Variants in SNX29 observed in about 807,000 individuals in gnomAD.
The protein encoded by SNX29 is sorting nexin-29.
In SNX29, 78 loss-of-function variants were observed where a neutral mutation model predicts 102.1. The observed-to-expected ratio is 0.76, with a 90% CI of 0.64 to 0.92. The LOEUF (loss-of-function observed/expected upper bound fraction) is 0.92, where lower values mean the gene tolerates loss of function less well. Ranked by LOEUF, SNX29 falls within the 40% of genes least tolerant of loss-of-function variation. SNX29 has a pLI of 0.00. For missense variants in SNX29, 1,280 were observed against 1,061.7 expected, an observed-to-expected ratio of 1.21 and a Z score of -2.86; for synonymous variants, 580 against 414.5, an observed-to-expected ratio of 1.40 and a Z score of -4.85.
intron 18 of SNX29, among the ~76,000 whole-genome samples, chr16:12,465,945 A>G (rs937528473): frequency 6.6e-6 from 1 of 152,114 alleles, no homozygotes; most frequent in Non-Finnish European, 1.5e-5. Flanking sequence ...ACAAAATTCA[A>G]CATCCTTTCA....
At chr16:12,561,247 C>CT (rs2078707754) in intron 20 of SNX29, 1 of 230,204 alleles carries the variant, frequency 4.3e-6, no homozygotes, top group South Asian at 1.8e-4. Flanking sequence ...AGGCCACTCC[C>CT]TCCCACTCCA....
intron 15 of SNX29, among the ~76,000 whole-genome samples, chr16:12,283,649 T>A (rs1452859324): frequency 6.6e-6 from 1 of 152,212 alleles, no homozygotes; most frequent in Non-Finnish European, 1.5e-5. Flanking sequence ...GTGTTTCATC[T>A]GTGAGTTGCA....
chr16:12,379,538 C>T lies in SNX29; in HGVS notation c.1900-18908C>T, dbSNP rs1208938573. 5.3e-5 allele frequency among the ~76,000 whole-genome samples: 8 copies of T among 152,344 alleles called. No homozygotes were observed. In the East Asian group the frequency reaches 1.5e-3, roughly 29 times the overall value. On this transcript the variant is annotated intron_variant, in intron 16 of 20. Coordinates refer to ENST00000566228, the MANE Select transcript of SNX29 (RefSeq NM_032167.5). ...TGGGTCCAGGACTGTGCCCTTTAGC[C>T]ACTTTGACTCAGTTCCAAAAACATC...
intron 8 of SNX29, 153 bp from the exon 9 acceptor site, chr16:12,061,375 C>G: frequency 1.6e-6 from 1 of 627,642 alleles, no homozygotes; most frequent in Non-Finnish European, 2.8e-6. Context: ...TGGATCTGGA[C>G]TCCACGCTCT....
In SNX29 at chr16:12,111,768, G is replaced by C. The variant is rs1463272644; in HGVS notation, c.1403-14865G>C. Among the ~76,000 whole-genome samples, 5 of 152,208 alleles carry C rather than the reference G, an allele frequency of 3.3e-5. No individual in the cohort carries two copies. In the East Asian group the frequency reaches 9.6e-4, roughly 29 times the overall value. On this transcript the variant is annotated intron_variant, in intron 11 of 20. Coordinates refer to ENST00000566228, the MANE Select transcript of SNX29 (RefSeq NM_032167.5). Reference sequence around the variant, plus strand: ...ATGGTTTAGGAAAGCCTGAGTGAGAGCGAGAGATCTTCAGGAGGCTGCTGG... The same window carrying C: ...ATGGTTTAGGAAAGCCTGAGTGAGACCGAGAGATCTTCAGGAGGCTGCTGG...
At chr16:12,353,319 C>T (rs1273017842) in intron 15 of SNX29, among the ~76,000 whole-genome samples, 1 of 152,184 alleles carries the variant, frequency 6.6e-6, no homozygotes, top group Non-Finnish European at 1.5e-5. Flanking sequence ...ACTTGTCTGC[C>T]ACTTCCTCCA....
chr16:12,320,339 G>C (rs557937973), intron 15 of SNX29, among the ~76,000 whole-genome samples: 2 of 152,108 alleles, frequency 1.3e-5, no homozygotes, highest in African/African-American at 4.8e-5. Context: ...GAGAGTCACC[G>C]AGAGCCAGAA....
At chr16:12,567,226 C>T (rs942605037) in intron 20 of SNX29, among the ~76,000 whole-genome samples, 1 of 152,092 alleles carries the variant, frequency 6.6e-6, no homozygotes, top group African/African-American at 2.4e-5. Context: ...ACAGATAAGG[C>T]AGAGCTAGCT....
chr16:12,023,219 T>G (rs2057081942), intron 3 of SNX29, among the ~76,000 whole-genome samples: 1 of 151,900 alleles, frequency 6.6e-6, no homozygotes, highest in African/African-American at 2.4e-5. Context: ...TTTAAAAAAT[T>G]AAAATATTCA....
intron 15 of SNX29, among the ~76,000 whole-genome samples, chr16:12,318,009 C>T (rs2080807905): frequency 6.6e-6 from 1 of 152,240 alleles, no homozygotes; most frequent in African/African-American, 2.4e-5. Context: ...CGGTGGTTGT[C>T]ATCACGCCAC....
chr16:12,518,546 A>T (rs1046970692), intron 19 of SNX29, among the ~76,000 whole-genome samples: 2 of 152,144 alleles, frequency 1.3e-5, no homozygotes, highest in Non-Finnish European at 2.9e-5. Flanking sequence ...CCTTGCAGTG[A>T]CACGCTCTCT....
chr16:12,050,739 T>A (rs1418017855), intron 7 of SNX29, among the ~76,000 whole-genome samples: 3 of 151,372 alleles, frequency 2.0e-5, no homozygotes, highest in African/African-American at 7.3e-5. Flanking sequence ...GGAGAAAGAG[T>A]CTCGCTCTGT....
chr16:12,572,867 T>C lies in SNX29; in HGVS notation c.*4238T>C. ...GCCCAGGTTTCAGCCCTAAAGGTAA[T>C]GATTGTCTTGACTCTGCCTTGGCAT... On this transcript the variant is annotated 3_prime_UTR_variant, in exon 21 of 21. Coordinates refer to ENST00000566228, the MANE Select transcript of SNX29 (RefSeq NM_032167.5). The C allele has an allele frequency of 9.4e-7, 1 of 1,062,770 alleles. No individual in the cohort carries two copies. Among genetic ancestry groups the C allele is most frequent in the South Asian group, 4.6e-5 (1 of 21,960 alleles). 65.8% of individuals were successfully genotyped at this position (1,062,770 alleles called of 1,614,324 possible).
chr16:12,565,232 G>A (rs1337093576), intron 20 of SNX29, among the ~76,000 whole-genome samples: 1 of 152,192 alleles, frequency 6.6e-6, no homozygotes, highest in African/African-American at 2.4e-5. Context: ...GTATTAGGCT[G>A]TTCTCAATCT....
intron 20 of SNX29, among the ~76,000 whole-genome samples, chr16:12,536,604 C>CTAGTT (rs2077089411): frequency 6.6e-6 from 1 of 152,158 alleles, no homozygotes; most frequent in East Asian, 1.9e-4. Flanking sequence ...AACGCACTAA[C>CTAGTT]TAGTTTGGCT....
chr16:12,041,581 T>G (rs1010582341), intron 4 of SNX29, among the ~76,000 whole-genome samples: 10 of 152,248 alleles, frequency 6.6e-5, no homozygotes, highest in African/African-American at 9.6e-5. Flanking sequence ...GCTTCAGGGC[T>G]GAATCCGTTT....
At chr16:12,472,529 C>CAAAAAAAAAAAAAAA (rs60223249) in intron 18 of SNX29, among the ~76,000 whole-genome samples, 3 of 72,938 alleles carry the variant, frequency 4.1e-5, no homozygotes, top group East Asian at 6.4e-4. Context: ...AAAAAAAAAC[C>CAAAAAAAAAAAAAAA]AAAAAAAAAA....
intron 14 of SNX29, among the ~76,000 whole-genome samples, chr16:12,224,319 T>C (rs760310560): frequency 4.6e-5 from 7 of 152,130 alleles, no homozygotes; most frequent in African/African-American, 1.7e-4. Context: ...TCAATCCTTA[T>C]TGCTTTCTCC....
intron 11 of SNX29, among the ~76,000 whole-genome samples, chr16:12,122,411 GTAA>G (rs2054011785): frequency 6.6e-6 from 1 of 151,888 alleles, no homozygotes; most frequent in South Asian, 2.1e-4. Context: ...GGAGGCAAGA[GTAA>G]GACAGGGCAG....
Sources: gnomAD v4.1 joint callset for allele counts (sites outside exome capture counted in the v4.1 genomes callset) on GRCh38, gnomAD v4.1.1 for gene constraint, MANE v1.5 for transcripts, NCBI Gene and HGNC (gene_info 2026-07-23, HGNC 2026-07-21) for gene names.